Variants in SMIM13 observed in about 807,000 individuals in gnomAD.
The protein encoded by SMIM13 is small integral membrane protein 13.
In SMIM13, 3 loss-of-function variants were observed where a neutral mutation model predicts 5.9. The observed-to-expected ratio is 0.51, with a 90% CI of 0.23 to 1.31. The LOEUF (loss-of-function observed/expected upper bound fraction) is 1.31, where lower values mean the gene tolerates loss of function less well. SMIM13 is among the 40% of genes most tolerant of loss of function. The pLI is 0.18. For synonymous variants in SMIM13, 55 were observed against 46.0 expected (o/e 1.19, Z -0.79); for missense variants, 85 against 109.9 (o/e 0.77, Z 1.01).
In SMIM13 at chr6:11,135,031, A is replaced by G. The variant is rs970024515; in HGVS notation, c.*429A>G. 1 of 152,872 alleles carries G rather than the reference A, an allele frequency of 6.5e-6. No homozygotes were observed. Among genetic ancestry groups the G allele is most frequent in the African/African-American group, 2.4e-5 (1 of 41,454 alleles). The allele number at this position is 152,872 out of a possible 1,614,324, so 9.5% of individuals were successfully genotyped here. On this transcript the variant is annotated 3_prime_UTR_variant, in exon 2 of 2. Transcript: ENST00000416247. ...TCCTACCGTGTGCATGTGTGAATTTACAGCTTGTCATCGTGTCATCCCTTT... is the reference window on the plus strand; with the variant it reads ...TCCTACCGTGTGCATGTGTGAATTTGCAGCTTGTCATCGTGTCATCCCTTT...
intron 1 of SMIM13, among the ~76,000 whole-genome samples, chr6:11,121,443 A>G (rs761473125): frequency 2.0e-5 from 3 of 152,160 alleles, no homozygotes; most frequent in Admixed American, 6.5e-5. Flanking sequence ...CCTGGGTTTT[A>G]GTGGTTTTAC....
chr6:11,133,504 T>C (rs1237531820), intron 1 of SMIM13, among the ~76,000 whole-genome samples: 1 of 152,188 alleles, frequency 6.6e-6, no homozygotes, highest in Non-Finnish European at 1.5e-5. Flanking sequence ...TATGCTGTGT[T>C]TCATTTCTAT....
chr6:11,109,186 T>C (rs1393702058), intron 1 of SMIM13, among the ~76,000 whole-genome samples: 1 of 152,264 alleles, frequency 6.6e-6, no homozygotes, highest in African/African-American at 2.4e-5. Flanking sequence ...TGCCCTAGTA[T>C]GACTGAGAGG....
intron 1 of SMIM13, 93 bp from the exon 2 acceptor site, chr6:11,134,310 T>C (rs1758489337): frequency 1.3e-6 from 1 of 782,476 alleles, no homozygotes; most frequent in East Asian, 2.8e-5. Flanking sequence ...TTTTATATAG[T>C]ATTTTGTAAT....
chr6:11,134,380 A>G (rs562108062), intron 1 of SMIM13, 23 bp from the exon 2 acceptor site: 6 of 1,531,052 alleles, frequency 3.9e-6, no homozygotes, highest in Middle Eastern at 1.7e-4. Flanking sequence ...AACTTTTCTT[A>G]ATGTTTTTGT....
At position 11,134,442 on chromosome 6, in the gene SMIM13, A is replaced by G; in HGVS notation, c.116A>G (p.Lys39Arg). Reference protein sequence around the residue: ...FVWHLFLSKFKFLRELVGDTG... With the variant: ...FVWHLFLSKFRFLRELVGDTG... ...TGGCATCTTTTTTTATCAAAATTCA[A>G]GTTTCTCCGGGAACTGGTGGGAGAC... The change falls in exon 2 of 2, where the codon AAG becomes AGG. Residue 39 changes from lysine to arginine, a missense_variant. Lys to Arg is a conservative substitution (Grantham distance 26, BLOSUM62 2). Coordinates refer to ENST00000416247, the MANE Select transcript of SMIM13 (RefSeq NM_001135575.2). 6.4e-7 allele frequency: 1 copy of G among 1,550,976 alleles called. No individual in the cohort carries two copies. Among genetic ancestry groups the G allele is most frequent in the Non-Finnish European group, 8.7e-7 (1 of 1,146,602 alleles).
chr6:11,130,312 C>T (rs1274521436), intron 1 of SMIM13, among the ~76,000 whole-genome samples: 1 of 151,446 alleles, frequency 6.6e-6, no homozygotes, highest in Non-Finnish European at 1.5e-5. Flanking sequence ...TTTTTGGCTG[C>T]CCAGTAGATG....
At chr6:11,106,298 G>A (rs1758081998) in intron 1 of SMIM13, among the ~76,000 whole-genome samples, 1 of 152,236 alleles carries the variant, frequency 6.6e-6, no homozygotes, top group African/African-American at 2.4e-5. Flanking sequence ...TGGTATGCAG[G>A]GAGCTGAGTG....
intron 1 of SMIM13, among the ~76,000 whole-genome samples, chr6:11,124,900 T>C (rs1370716924): frequency 6.6e-6 from 1 of 152,178 alleles, no homozygotes; most frequent in Non-Finnish European, 1.5e-5. Context: ...AGCGGGAAAG[T>C]CTTGATTTCT....
chr6:11,094,260 G>T lies in SMIM13; in HGVS notation c.-54G>T. On this transcript the variant is annotated 5_prime_UTR_variant, in exon 1 of 2. Coordinates refer to ENST00000416247, the MANE Select transcript of SMIM13 (RefSeq NM_001135575.2). ...AAGCGCAGGACGCGCCGCCGCCCGC[G>T]CTCACCGCCGTCCGCGCCAGCCGCC... 4.2e-6 allele frequency: 5 copies of T among 1,177,680 alleles called. No homozygotes were observed. The highest frequency in any genetic ancestry group is 3.2e-5 in the African/African-American group (2 of 62,864). 73.0% of individuals were successfully genotyped at this position (1,177,680 alleles called of 1,614,324 possible). A position where few individuals can be genotyped will look rare whatever the true frequency, so the allele number is the denominator to read the frequency against.
chr6:11,101,807 GC>G (rs1757996919), intron 1 of SMIM13, among the ~76,000 whole-genome samples: 1 of 146,720 alleles, frequency 6.8e-6, no homozygotes, highest in Admixed American at 6.9e-5. Context: ...TGGCACAATT[GC>G]CGCTCACTGC....
chr6:11,107,880 C>T (rs1370358149), intron 1 of SMIM13, among the ~76,000 whole-genome samples: 3 of 152,190 alleles, frequency 2.0e-5, no homozygotes, highest in Admixed American at 1.3e-4. Flanking sequence ...GAGGAAACTG[C>T]CTTCTACAAG....
At chr6:11,104,884 T>G (rs887083915) in intron 1 of SMIM13, 1 of 1,614,230 alleles carries the variant, frequency 6.2e-7, no homozygotes, top group Admixed American at 1.7e-5. Flanking sequence ...TTACAGACTG[T>G]ACTTGGAAGA....
Position 11,115,374 on chromosome 6 carries a change from G to GT in SMIM13, c.77-19027dup, listed in dbSNP as rs747419992. On this transcript the variant is annotated intron_variant, in intron 1 of 1. Coordinates refer to ENST00000416247, the MANE Select transcript of SMIM13 (RefSeq NM_001135575.2). Reference sequence around the variant, plus strand: ...GGCTGCGTTCCTTTCTGGAGCTTGGGTTCCTCCTTCAAGCTTATGTGGTTG... The same window carrying GT: ...GGCTGCGTTCCTTTCTGGAGCTTGGGTTTCCTCCTTCAAGCTTATGTGGTTG... Among the ~76,000 whole-genome samples, 13 of 152,236 alleles carry GT rather than the reference G, an allele frequency of 8.5e-5. No homozygotes were observed. The East Asian group carries it at 1.7e-3, about 20-fold the overall frequency.
At chr6:11,125,250 G>A (rs1758362901) in intron 1 of SMIM13, among the ~76,000 whole-genome samples, 1 of 143,674 alleles carries the variant, frequency 7.0e-6, no homozygotes, top group Admixed American at 7.3e-5. Flanking sequence ...AGTCGAGATT[G>A]CGCTACTGCA....
At chr6:11,106,591 G>A (rs1758087021) in intron 1 of SMIM13, among the ~76,000 whole-genome samples, 1 of 152,178 alleles carries the variant, frequency 6.6e-6, no homozygotes, top group Non-Finnish European at 1.5e-5. Context: ...TCATCCATTG[G>A]TTTCTTTTCA....
intron 1 of SMIM13, among the ~76,000 whole-genome samples, chr6:11,123,244 G>T (rs949270663): frequency 2.6e-5 from 4 of 152,176 alleles, no homozygotes; most frequent in African/African-American, 9.7e-5. Context: ...TGGAGCCGCT[G>T]TGCAGAGAGA....
chr6:11,104,161 G>A, intron 1 of SMIM13: 14 of 1,551,722 alleles, frequency 9.0e-6, no homozygotes, highest in Non-Finnish European at 1.2e-5. Flanking sequence ...TCCTTTGAGA[G>A]CTGGCTATAG....
chr6:11,128,195 G>A (rs556015619), intron 1 of SMIM13, among the ~76,000 whole-genome samples: 20 of 152,258 alleles, frequency 1.3e-4, no homozygotes, highest in African/African-American at 4.8e-4. Flanking sequence ...GGCTACCACT[G>A]TTGACTATTT....
Sources: allele counts gnomAD v4.1 joint callset (sites outside exome capture counted in the v4.1 genomes callset), GRCh38; gene constraint gnomAD v4.1.1; transcripts MANE v1.5; gene names NCBI Gene and HGNC (gene_info 2026-07-23, HGNC 2026-07-21).